The following UBA2 variants were observed in gnomAD, a reference collection of about 807,000 sequenced individuals.
The protein encoded by UBA2 is ubiquitin like modifier activating enzyme 2.
In UBA2, 11 loss-of-function variants were observed where a neutral mutation model predicts 77.2. That is an observed-to-expected ratio of 0.14 (90% confidence interval 0.09 to 0.24). The LOEUF is 0.24. UBA2 is among the 10% of genes least tolerant of loss of function. The probability of loss-of-function intolerance (pLI) is 1.00; values close to 1 mark genes in which losing one functional copy is unlikely to be tolerated. For missense variants in UBA2, 487 were observed against 781.7 expected, an observed-to-expected ratio of 0.62 and a Z score of 4.50; for synonymous variants, 278 against 276.7, an observed-to-expected ratio of 1.00 and a Z score of -0.05.
chr19:34,444,044 G>GA, intron 7 of UBA2, 133 bp downstream of exon 7: 1 of 169,686 alleles, frequency 5.9e-6, no homozygotes, highest in Non-Finnish European at 1.0e-5. Context: ...TTTTTTTTTT[G>GA]TTTTTTTTTT....
intron 8 of UBA2, 94 bp downstream of exon 8, chr19:34,445,215 T>C (rs1568373987): frequency 3.0e-6 from 4 of 1,324,516 alleles, no homozygotes; most frequent in East Asian, 4.8e-5. Flanking sequence ...GTCCATAAAA[T>C]TGAATTAAGC....
At chr19:34,461,117 C>T (rs1415523889) in intron 14 of UBA2, among the ~76,000 whole-genome samples, 2 of 152,216 alleles carry the variant, frequency 1.3e-5, no homozygotes, top group African/African-American at 4.8e-5. Flanking sequence ...CTCCTTCAGA[C>T]TGTACTCGTT....
intron 12 of UBA2, among the ~76,000 whole-genome samples, chr19:34,457,617 A>G (rs777379660): frequency 3.3e-5 from 5 of 152,060 alleles, no homozygotes; most frequent in East Asian, 1.9e-4. Context: ...CGGAGAAGCT[A>G]TTTTACAGAG....
chr19:34,434,839 A>G (rs1186741819), intron 4 of UBA2, 29 bp from the exon 5 acceptor site: 7 of 1,550,120 alleles, frequency 4.5e-6, no homozygotes, highest in Admixed American at 1.8e-5. Context: ...TTTTTTCCCA[A>G]AAACTCATAC....
chr19:34,464,578 CAGAAATAAA>C (rs2075668610), intron 15 of UBA2, among the ~76,000 whole-genome samples: 1 of 150,602 alleles, frequency 6.6e-6, no homozygotes, highest in Non-Finnish European at 1.5e-5. Context: ...AAAAGAAAAC[CAGAAATAAA>C]AGAAATAAGC....
rs1184297228 is a variant in UBA2 at position 34,431,244 on chromosome 19, C to CTTTTTTTTTTTTTTTTT, written c.222+593_223-593dup. On this transcript the variant is annotated intron_variant, in intron 2 of 16. Transcript: ENST00000246548. ...TTTACTTTTCCTATCATTTTCTTTT[C>CTTTTTTTTTTTTTTTTT]TTTTTTTTTTTTTTTTTTTTTTTTA... Among the ~76,000 whole-genome samples, 25 of 69,378 alleles carry CTTTTTTTTTTTTTTTTT rather than the reference C, an allele frequency of 3.6e-4. 1 individual carries two copies. Among genetic ancestry groups the CTTTTTTTTTTTTTTTTT allele is most frequent in the Non-Finnish European group, 4.9e-4 (20 of 40,492 alleles). The allele number at this position is 69,378 out of a possible 152,430, so 45.5% of individuals were successfully genotyped here. A position where few individuals can be genotyped will look rare whatever the true frequency, so the allele number is the denominator to read the frequency against.
In UBA2 at chr19:34,458,916, C is replaced by G. The variant is rs745729897; in HGVS notation, c.1393C>G (p.Gln465Glu). The G allele has an allele frequency of 1.9e-6, 3 of 1,613,448 alleles. No individual in the cohort carries two copies. In the East Asian group the frequency reaches 6.7e-5, roughly 36 times the overall value. The change falls in exon 13 of 17, where the codon CAA (glutamine) becomes GAA (glutamate). Residue 465 changes from glutamine (Q) to glutamate (E), a missense_variant. This residue lies in a region of UBA2 where 300 missense variants were observed against 454.3 expected (regional missense o/e 0.66). Transcript: ENST00000246548. ...NVHKVTVLTL[Q>E]DKIVKEKFAM... ...CCATAAAGTGACTGTTCTCACCTTA[C>G]AAGACAAGGTCAGTGCAAGGCCTGG...
intron 12 of UBA2, among the ~76,000 whole-genome samples, chr19:34,457,174 AAAAAAATATATATATAT>A (rs975273387): frequency 1.0e-5 from 1 of 99,914 alleles, no homozygotes; most frequent in Non-Finnish European, 1.8e-5. Flanking sequence ...ACTAAAAAAA[AAAAAAATATATATATAT>A]ATATATATAT....
chr19:34,444,627 C>G (rs918552069), intron 7 of UBA2, among the ~76,000 whole-genome samples: 3 of 152,072 alleles, frequency 2.0e-5, no homozygotes, highest in South Asian at 2.1e-4. Context: ...GCCAACATGG[C>G]AAAACCCTGT....
At chr19:34,445,226 T>C in intron 8 of UBA2, 105 bp downstream of exon 8, 3 of 1,218,478 alleles carry the variant, frequency 2.5e-6, no homozygotes, top group Non-Finnish European at 2.3e-6. Flanking sequence ...TGAATTAAGC[T>C]TCTATGTATA....
intron 12 of UBA2, 98 bp from the exon 13 acceptor site, chr19:34,458,671 C>T: frequency 9.8e-7 from 1 of 1,023,714 alleles, no homozygotes; most frequent in Non-Finnish European, 1.3e-6. Context: ...ATTTTTAAGT[C>T]ATTTTTTATT....
intron 14 of UBA2, among the ~76,000 whole-genome samples, chr19:34,461,567 G>A (rs1181475529): frequency 6.6e-6 from 1 of 152,212 alleles, no homozygotes; most frequent in Non-Finnish European, 1.5e-5. Flanking sequence ...TCTTTCAAAT[G>A]CTAGCTTAAA....
rs995715595 is a variant in UBA2 at position 34,470,183 on chromosome 19, C to T, written c.*962C>T. 1.3e-5 allele frequency: 2 copies of T among 152,086 alleles called. No individual in the cohort carries two copies. Among genetic ancestry groups the T allele is most frequent in the African/African-American group, 4.8e-5 (2 of 41,402 alleles). 9.4% of individuals were successfully genotyped at this position (152,086 alleles called of 1,614,324 possible). ...CTAAGGCAGCAGAATTGCTTGAACC[C>T]GGGAGGCAGAGGTTGCAGTGAGCCA... On this transcript the variant is annotated 3_prime_UTR_variant, in exon 17 of 17. Transcript: ENST00000246548.
At chr19:34,463,591 GATT>G in intron 14 of UBA2, among the ~76,000 whole-genome samples, 1 of 152,044 alleles carries the variant, frequency 6.6e-6, no homozygotes, top group Non-Finnish European at 1.5e-5. Flanking sequence ...TTGATTGATT[GATT>G]GATTGACTGG....
intron 10 of UBA2, among the ~76,000 whole-genome samples, chr19:34,452,802 C>T (rs2075516105): frequency 6.6e-6 from 1 of 152,110 alleles, no homozygotes; most frequent in Non-Finnish European, 1.5e-5. Context: ...ATTTTAGAAA[C>T]CTAAGAAAAA....
intron 6 of UBA2, among the ~76,000 whole-genome samples, chr19:34,440,741 A>G (rs1047931107): frequency 1.3e-5 from 2 of 152,180 alleles, no homozygotes; most frequent in African/African-American, 4.8e-5. Context: ...AACTTGGCCA[A>G]TATGGCGAAA....
At chr19:34,448,493 G>T (rs547092778) in intron 8 of UBA2, among the ~76,000 whole-genome samples, 9 of 152,234 alleles carry the variant, frequency 5.9e-5, no homozygotes, top group African/African-American at 1.9e-4. Flanking sequence ...TACTCAGGAG[G>T]CTGGGACAGG....
chr19:34,450,234 G>C (rs745756264), intron 8 of UBA2, 31 bp from the exon 9 acceptor site: 1 of 1,468,114 alleles, frequency 6.8e-7, no homozygotes, highest in Admixed American at 1.8e-5. Context: ...AGGGATTATG[G>C]GGTTCATGGG....
At chr19:34,468,945 TAGA>T (rs2075713493) in intron 16 of UBA2, 92 bp from the exon 17 acceptor site, 2 of 1,030,148 alleles carry the variant, frequency 1.9e-6, no homozygotes, top group Admixed American at 3.1e-5. Flanking sequence ...TGGTGTGTAT[TAGA>T]AGAGTCAGCT....
Sources: allele counts gnomAD v4.1 joint callset (sites outside exome capture counted in the v4.1 genomes callset), GRCh38; gene constraint gnomAD v4.1.1; regional missense constraint gnomAD v4.1.1; transcripts MANE v1.5; gene names NCBI Gene and HGNC (gene_info 2026-07-23, HGNC 2026-07-21).